The following ZFR variants were observed in gnomAD, a reference collection of about 807,000 sequenced individuals.
ZFR encodes the protein zinc finger RNA-binding protein.
ZFR carries 19 observed loss-of-function variants against 130.7 expected under a neutral mutation model. The observed-to-expected ratio is 0.15, with a 90% CI of 0.10 to 0.21. ZFR has a LOEUF of 0.21. ZFR is among the 10% of genes least tolerant of loss of function. The pLI is 1.00. For missense variants in ZFR, 872 were observed against 1,321.5 expected (o/e 0.66, Z 5.27); for synonymous variants, 466 against 456.9 (o/e 1.02, Z -0.25).
chr5:32,404,116 A>C lies in ZFR; in HGVS notation c.1033-19T>G. The C allele has an allele frequency of 6.4e-7, 1 of 1,569,028 alleles. No individual in the cohort carries two copies. The highest frequency in any genetic ancestry group is 2.2e-5 in the East Asian group (1 of 44,612). On this transcript the variant is annotated intron_variant, in intron 6 of 19. Coordinates refer to ENST00000265069, the MANE Select transcript of ZFR (RefSeq NM_016107.5). ...TATAAGTCTGTTTCAAATAAAAAGG[A>C]AACATTTTGCTTCACTAATTTTCTT... is the stretch of plus-strand genomic sequence containing the variant.
chr5:32,417,372 T>G (rs1753850945), intron 4 of ZFR, among the ~76,000 whole-genome samples: 1 of 152,168 alleles, frequency 6.6e-6, no homozygotes. Flanking sequence ...AAGATAAAAA[T>G]GTGTTCAGAA....
chr5:32,412,169 T>C (rs1267250177), intron 5 of ZFR, among the ~76,000 whole-genome samples: 1 of 152,186 alleles, frequency 6.6e-6, no homozygotes, highest in Non-Finnish European at 1.5e-5. Flanking sequence ...AAAAGGTATC[T>C]TTATAATGGA....
At chr5:32,402,624 A>C (rs151034579) in intron 8 of ZFR, among the ~76,000 whole-genome samples, 63 of 151,654 alleles carry the variant, frequency 4.2e-4, no homozygotes, top group African/African-American at 1.5e-3. Context: ...AAAAAAAAAA[A>C]AAAACTGGCT....
chr5:32,372,872 T>G (rs1241252747), intron 17 of ZFR, among the ~76,000 whole-genome samples: 2 of 151,684 alleles, frequency 1.3e-5, no homozygotes, highest in East Asian at 3.9e-4. Flanking sequence ...AGGAACAAAA[T>G]GACTGAAGTT....
chr5:32,408,500 G>A (rs1753627962), intron 5 of ZFR, among the ~76,000 whole-genome samples: 1 of 152,094 alleles, frequency 6.6e-6, no homozygotes, highest in Admixed American at 6.5e-5. Context: ...AAGATATTAT[G>A]TAAAAATCAT....
At chr5:32,427,073 C>T (rs932359988) in intron 2 of ZFR, among the ~76,000 whole-genome samples, 1 of 151,896 alleles carries the variant, frequency 6.6e-6, no homozygotes, top group Admixed American at 6.6e-5. Context: ...TATATGTTAA[C>T]AATAAACAGG....
intron 4 of ZFR, among the ~76,000 whole-genome samples, chr5:32,417,228 G>A (rs933067984): frequency 4.6e-5 from 7 of 151,974 alleles, no homozygotes; most frequent in African/African-American, 7.3e-5. Flanking sequence ...TAACATGATT[G>A]GTGGCTGATA....
rs146105255 is a variant in ZFR, at chr5:32,433,856, G to A, written c.137+10373C>T. On this transcript the variant is annotated intron_variant, in intron 2 of 19. Transcript: ENST00000265069. ...TGCACTTTGGGAGGCCAAGGCAGGC[G>A]GATCGCTTGAATCCAGGAGCTTGAG... Among the ~76,000 whole-genome samples the A allele has an allele frequency of 1.6e-4, 25 of 152,152 alleles. No homozygotes were observed. In the East Asian group the frequency reaches 3.9e-3, roughly 23 times the overall value.
chr5:32,398,816 TGGGATTACAAGTGTGCG>T (rs113103004), intron 9 of ZFR, among the ~76,000 whole-genome samples: 18 of 152,032 alleles, frequency 1.2e-4, no homozygotes, highest in African/African-American at 4.1e-4. Flanking sequence ...CCCGAGTAGC[TGGGATTACAAGTGTGCG>T]CAACTACTGG....
intron 2 of ZFR, among the ~76,000 whole-genome samples, chr5:32,422,150 C>T (rs1320491897): frequency 6.6e-6 from 1 of 151,536 alleles, no homozygotes; most frequent in African/African-American, 2.4e-5. Flanking sequence ...TCCTATTAGA[C>T]AAAAAGCAGG....
intron 4 of ZFR, among the ~76,000 whole-genome samples, chr5:32,415,523 C>CGT (rs781310157): frequency 0.024 from 3,212 of 132,034 alleles, 40 homozygotes; most frequent in Middle Eastern, 0.029. Flanking sequence ...TGTGCGCGCG[C>CGT]GCGCGCGCGC....
intron 17 of ZFR, among the ~76,000 whole-genome samples, chr5:32,367,438 AAAT>A (rs1419738541): frequency 7.6e-6 from 1 of 131,222 alleles, no homozygotes; most frequent in Non-Finnish European, 1.6e-5. Flanking sequence ...TCCATCTCAA[AAAT>A]AATAAATAAA....
Position 32,397,348 on chromosome 5 carries a change from G to A in ZFR, c.1714-10C>T. On this transcript the variant is annotated splice_polypyrimidine_tract_variant and intron_variant, in intron 9 of 19. Coordinates refer to ENST00000265069, the MANE Select transcript of ZFR (RefSeq NM_016107.5). ...CTTCATCATTTCGTACCTTGGTGTG[G>A]AAAAAAAATTCAAGAATCATCATAG... 1 of 1,599,290 alleles carries A rather than the reference G, an allele frequency of 6.3e-7. No individual in the cohort carries two copies. The highest frequency in any genetic ancestry group is 8.5e-7 in the Non-Finnish European group (1 of 1,175,440).
At chr5:32,426,388 A>T (rs1181383069) in intron 2 of ZFR, among the ~76,000 whole-genome samples, 1 of 151,972 alleles carries the variant, frequency 6.6e-6, no homozygotes, top group African/African-American at 2.4e-5. Flanking sequence ...TTTTATGATT[A>T]AAAAAAGAAA....
chr5:32,403,952 C>G lies in ZFR; in HGVS notation c.1178G>C (p.Gly393Ala). ...AATGTGGGCAGCATACGCATCTGCT[C>G]CTGTACAAGACACATCGCAGAGCTC... is the stretch of plus-strand genomic sequence containing the variant. ...RCELCDVSCT[G>A]ADAYAAHIRG... The change falls in exon 7 of 20, where the codon GGA (glycine) becomes GCA (alanine). Residue 393 changes from glycine to alanine, a missense_variant. Gly to Ala is a moderately conservative substitution (Grantham distance 60). Around this residue, in one of 7 missense-constraint regions of ZFR, gnomAD observed 21 missense variants for 54.4 expected, o/e 0.39. Coordinates refer to ENST00000265069, the MANE Select transcript of ZFR (RefSeq NM_016107.5). 6.2e-7 allele frequency: 1 copy of G among 1,611,146 alleles called. No individual in the cohort carries two copies. The highest frequency in any genetic ancestry group is 8.5e-7 in the Non-Finnish European group (1 of 1,178,914).
chr5:32,398,045 T>C (rs1753358644), intron 9 of ZFR, among the ~76,000 whole-genome samples: 1 of 150,720 alleles, frequency 6.6e-6, no homozygotes, highest in Non-Finnish European at 1.5e-5. Context: ...TTAGTAGAGA[T>C]GGGGGTTTCA....
intron 9 of ZFR, among the ~76,000 whole-genome samples, chr5:32,399,176 G>A (rs1417737021): frequency 6.6e-6 from 1 of 151,986 alleles, no homozygotes; most frequent in African/African-American, 2.4e-5. Context: ...TTGGGAGGCT[G>A]AGGCAGAAGA....
At chr5:32,396,279 G>C (rs1205619284) in intron 10 of ZFR, among the ~76,000 whole-genome samples, 1 of 151,488 alleles carries the variant, frequency 6.6e-6, no homozygotes, top group Non-Finnish European at 1.5e-5. Flanking sequence ...TGTTGTTCAA[G>C]GGTCAACTGT....
chr5:32,384,312 A>AT (rs1300020793), intron 15 of ZFR, among the ~76,000 whole-genome samples: 2 of 152,200 alleles, frequency 1.3e-5, no homozygotes, highest in Non-Finnish European at 2.9e-5. Flanking sequence ...TCACGTTCAC[A>AT]TAAGAAAACC....
Sources: allele counts gnomAD v4.1 joint callset (sites outside exome capture counted in the v4.1 genomes callset), GRCh38; gene constraint gnomAD v4.1.1; regional missense constraint gnomAD v4.1.1; transcripts MANE v1.5; gene names NCBI Gene and HGNC (gene_info 2026-07-23, HGNC 2026-07-21).